Variants in UBASH3B observed in about 807,000 individuals in gnomAD.
UBASH3B encodes the protein ubiquitin-associated and SH3 domain-containing protein B.
UBASH3B carries 37 observed loss-of-function variants against 83.4 expected under a neutral mutation model. The observed-to-expected ratio is 0.44, with a 90% CI of 0.34 to 0.58. The LOEUF (loss-of-function observed/expected upper bound fraction) is 0.58, where lower values mean the gene tolerates loss of function less well. UBASH3B is among the 20% of genes least tolerant of loss of function. The probability of loss-of-function intolerance (pLI) is 0.01; values close to 1 mark genes in which losing one functional copy is unlikely to be tolerated. For synonymous variants in UBASH3B, 304 were observed against 318.3 expected (o/e 0.96, Z 0.48); for missense variants, 657 against 827.2 (o/e 0.79, Z 2.52).
intron 1 of UBASH3B, among the ~76,000 whole-genome samples, chr11:122,767,689 G>A (rs890482614): frequency 1.3e-5 from 2 of 152,278 alleles, no homozygotes; most frequent in Admixed American, 6.5e-5. Flanking sequence ...AGGCAAGCTC[G>A]CTTTTCCCAA....
chr11:122,773,589 C>T (rs550624278), intron 1 of UBASH3B, among the ~76,000 whole-genome samples: 4 of 152,166 alleles, frequency 2.6e-5, no homozygotes, highest in East Asian at 1.9e-4. Flanking sequence ...CAAGCCTCCC[C>T]GGAGCATGTG....
intron 1 of UBASH3B, among the ~76,000 whole-genome samples, chr11:122,664,987 C>A (rs1263452025): frequency 2.6e-5 from 4 of 152,344 alleles, no homozygotes; most frequent in African/African-American, 9.6e-5. Flanking sequence ...CAGCTCACTG[C>A]AAGCTCCGCC....
At chr11:122,773,098 C>T (rs562624419) in intron 1 of UBASH3B, among the ~76,000 whole-genome samples, 1 of 152,340 alleles carries the variant, frequency 6.6e-6, no homozygotes, top group East Asian at 1.9e-4. Context: ...TGAGTAAACT[C>T]TCTGCCAAGT....
rs772134010 is a variant in UBASH3B, at chr11:122,789,198, C to A, written c.870C>A (p.Ser290Arg). ...FIFMSPMEQT[S>R]TSEGWIYGTS... Reference sequence around the variant, plus strand: ...TCATGTCTCCAATGGAGCAGACCAGCACCAGCGAGGGTTGGATCTATGGCA... The same window carrying A: ...TCATGTCTCCAATGGAGCAGACCAGAACCAGCGAGGGTTGGATCTATGGCA... The change falls in exon 6 of 14, where the codon AGC (serine) becomes AGA (arginine). Residue 290 changes from serine to arginine, a missense_variant. Physicochemically the swap from Ser to Arg is moderately radical, Grantham distance 110 (BLOSUM62 -1). Coordinates refer to ENST00000284273, the MANE Select transcript of UBASH3B (RefSeq NM_032873.5). 1.2e-6 allele frequency: 2 copies of A among 1,614,100 alleles called. No individual in the cohort carries two copies. Among genetic ancestry groups the A allele is most frequent in the African/African-American group, 2.7e-5 (2 of 74,926 alleles).
intron 1 of UBASH3B, among the ~76,000 whole-genome samples, chr11:122,666,215 G>A (rs962702340): frequency 2.6e-5 from 4 of 152,230 alleles, no homozygotes; most frequent in African/African-American, 4.8e-5. Flanking sequence ...CTGCTTCCAC[G>A]TTGATGGTGC....
intron 1 of UBASH3B, among the ~76,000 whole-genome samples, chr11:122,684,142 A>G (rs188091531): frequency 7.2e-5 from 11 of 152,340 alleles, no homozygotes; most frequent in Non-Finnish European, 1.2e-4. Context: ...GAGATGAGAC[A>G]TTTTGTCCTA....
intron 1 of UBASH3B, among the ~76,000 whole-genome samples, chr11:122,670,686 T>C (rs1863582616): frequency 6.6e-6 from 1 of 152,104 alleles, no homozygotes; most frequent in Non-Finnish European, 1.5e-5. Context: ...TTCTAAGTCT[T>C]CTGGTAAGAG....
intron 6 of UBASH3B, among the ~76,000 whole-genome samples, chr11:122,793,798 GTCT>G (rs2135169193): frequency 6.6e-6 from 1 of 152,284 alleles, no homozygotes; most frequent in Non-Finnish European, 1.5e-5. Flanking sequence ...GGTGAGAATG[GTCT>G]TCTCTGAAAT....
chr11:122,718,008 G>A (rs866877454), intron 1 of UBASH3B, among the ~76,000 whole-genome samples: 2 of 150,990 alleles, frequency 1.3e-5, no homozygotes, highest in East Asian at 1.9e-4. Context: ...CGTAACCTTC[G>A]CCTCCTGGGT....
rs868636831 is a variant in UBASH3B at position 122,703,288 on chromosome 11, G to A, written c.161+47078G>A. On this transcript the variant is annotated intron_variant, in intron 1 of 13. Transcript: ENST00000284273. Reference sequence around the variant, plus strand: ...TAAAAATACAAAAAATTAGCCAGGCGTGGTGGTGGGTGCCTGTAGTCCCAG... The same window carrying A: ...TAAAAATACAAAAAATTAGCCAGGCATGGTGGTGGGTGCCTGTAGTCCCAG... 1.2e-4 allele frequency among the ~76,000 whole-genome samples: 19 copies of A among 152,088 alleles called. No individual in the cohort carries two copies. The South Asian group carries it at 1.9e-3, about 15-fold the overall frequency.
rs947186178 is a variant in UBASH3B at position 122,785,298 on chromosome 11, C to T, written c.771+2076C>T. On this transcript the variant is annotated intron_variant, in intron 5 of 13. Transcript: ENST00000284273. ...CGGCCCCTTTGGACTGGACCTCTCC[C>T]GTGAGGTCTTTCGGTCCTACCTGAG... Among the ~76,000 whole-genome samples, 4 of 152,298 alleles carry T rather than the reference C, an allele frequency of 2.6e-5. No individual in the cohort carries two copies. The East Asian group carries it at 5.8e-4, about 22-fold the overall frequency.
chr11:122,681,717 C>A (rs947818823), intron 1 of UBASH3B, among the ~76,000 whole-genome samples: 1 of 152,046 alleles, frequency 6.6e-6, no homozygotes, highest in African/African-American at 2.4e-5. Context: ...CACACACAGG[C>A]ACATGCATGC....
At chr11:122,711,172 C>T (rs932367121) in intron 1 of UBASH3B, among the ~76,000 whole-genome samples, 10 of 152,312 alleles carry the variant, frequency 6.6e-5, no homozygotes, top group African/African-American at 2.4e-4. Context: ...CCCACCCTTC[C>T]TCTTTATACA....
At chr11:122,721,579 A>G (rs1311255091) in intron 1 of UBASH3B, among the ~76,000 whole-genome samples, 2 of 152,170 alleles carry the variant, frequency 1.3e-5, no homozygotes, top group African/African-American at 4.8e-5. Context: ...TTCAAACACC[A>G]TCCCTTTAAA....
intron 1 of UBASH3B, among the ~76,000 whole-genome samples, chr11:122,714,271 T>A (rs895624456): frequency 6.6e-6 from 1 of 152,216 alleles, no homozygotes; most frequent in East Asian, 1.9e-4. Flanking sequence ...CTGTCTACAG[T>A]GTTGCCACAG....
intron 1 of UBASH3B, among the ~76,000 whole-genome samples, chr11:122,679,244 G>A (rs921403765): frequency 6.6e-6 from 1 of 152,230 alleles, no homozygotes; most frequent in Admixed American, 6.5e-5. Context: ...GCATAGGCAC[G>A]ATGGATGAGA....
chr11:122,805,979 A>G (rs996278727), intron 11 of UBASH3B, among the ~76,000 whole-genome samples: 1 of 152,216 alleles, frequency 6.6e-6, no homozygotes, highest in Non-Finnish European at 1.5e-5. Context: ...TAAACTCGCA[A>G]AGAATCAGAT....
At chr11:122,703,523 G>A (rs1024095689) in intron 1 of UBASH3B, among the ~76,000 whole-genome samples, 16 of 152,294 alleles carry the variant, frequency 1.1e-4, no homozygotes, top group African/African-American at 3.8e-4. Flanking sequence ...GGAAATATGG[G>A]GGAAAATGCC....
intron 10 of UBASH3B, among the ~76,000 whole-genome samples, chr11:122,799,281 A>C (rs1232732376): frequency 6.6e-6 from 1 of 152,162 alleles, no homozygotes; most frequent in Non-Finnish European, 1.5e-5. Context: ...ACCTGAGGTC[A>C]GGAGTTCGAG....
Sources: allele counts gnomAD v4.1 joint callset (sites outside exome capture counted in the v4.1 genomes callset), GRCh38; gene constraint gnomAD v4.1.1; transcripts MANE v1.5; gene names NCBI Gene and HGNC (gene_info 2026-07-23, HGNC 2026-07-21).